Variants in MSRA observed in about 807,000 individuals in gnomAD.
MSRA encodes the protein mitochondrial peptide methionine sulfoxide reductase.
A neutral mutation model predicts 31.3 loss-of-function variants in MSRA; 54 were observed. The ratio of observed to expected loss-of-function variants is 1.73; its 90% CI spans 1.39 to 2.17. The LOEUF (loss-of-function observed/expected upper bound fraction) is 2.17, where lower values mean the gene tolerates loss of function less well. Among genes scored for constraint, MSRA ranks in the 30% most tolerant of loss-of-function variants. MSRA has a pLI of 0.00. For missense variants in MSRA, 507 were observed against 300.9 expected (o/e 1.69, Z -5.07); for synonymous variants, 169 against 116.5 (o/e 1.45, Z -2.90).
At chr8:10,176,398 GA>G (rs1020862658) in intron 1 of MSRA, among the ~76,000 whole-genome samples, 2 of 152,234 alleles carry the variant, frequency 1.3e-5, no homozygotes, top group African/African-American at 4.8e-5. Flanking sequence ...ATCTAGGACA[GA>G]AGGGGACTGA....
intron 5 of MSRA, 136 bp from the exon 6 acceptor site, chr8:10,428,012 G>A: frequency 5.9e-6 from 5 of 844,270 alleles, no homozygotes; most frequent in Non-Finnish European, 8.9e-6. Flanking sequence ...AATGCGGAGA[G>A]CCCGGCCTAA....
chr8:10,164,492 C>G (rs1281261234), intron 1 of MSRA, among the ~76,000 whole-genome samples: 1 of 152,128 alleles, frequency 6.6e-6, no homozygotes, highest in Non-Finnish European at 1.5e-5. Context: ...TGACCCCTTC[C>G]TTCCTCTCTA....
chr8:10,247,323 T>C (rs1407278892), intron 3 of MSRA, among the ~76,000 whole-genome samples: 1 of 152,172 alleles, frequency 6.6e-6, no homozygotes, highest in Non-Finnish European at 1.5e-5. Context: ...TCATTAGCTC[T>C]CAGCTCAAAG....
intron 1 of MSRA, among the ~76,000 whole-genome samples, chr8:10,092,642 C>CA (rs35804227): frequency 0.55 from 79,965 of 145,600 alleles, 23,332 homozygotes; most frequent in Middle Eastern, 0.68. Context: ...GATTCTGTCT[C>CA]AAAAAAAAAA....
At chr8:10,229,187 C>G (rs1002403181) in intron 2 of MSRA, among the ~76,000 whole-genome samples, 5 of 152,136 alleles carry the variant, frequency 3.3e-5, no homozygotes, top group African/African-American at 1.2e-4. Context: ...TTGGTTGAGA[C>G]TAGGTGTCTT....
intron 5 of MSRA, among the ~76,000 whole-genome samples, chr8:10,389,574 G>A (rs1165895220): frequency 6.6e-6 from 1 of 152,066 alleles, no homozygotes; most frequent in Non-Finnish European, 1.5e-5. Context: ...CCACTGACAG[G>A]ACTCCTTCCC....
At chr8:10,339,536 T>C (rs1336855494) in intron 5 of MSRA, among the ~76,000 whole-genome samples, 4 of 47,732 alleles carry the variant, frequency 8.4e-5, no homozygotes, top group African/African-American at 2.7e-4. Flanking sequence ...TCTTTCTTTT[T>C]TTTTTTTTTT....
At chr8:10,338,494 T>C (rs900794119) in intron 5 of MSRA, among the ~76,000 whole-genome samples, 8 of 152,130 alleles carry the variant, frequency 5.3e-5, no homozygotes, top group African/African-American at 1.7e-4. Flanking sequence ...ATTTAACACG[T>C]CTCACCATAA....
intron 5 of MSRA, among the ~76,000 whole-genome samples, chr8:10,362,900 C>A (rs1401548366): frequency 6.6e-6 from 1 of 152,026 alleles, no homozygotes; most frequent in African/African-American, 2.4e-5. Context: ...GCCCCTGCCT[C>A]CCTCCCTAAT....
intron 1 of MSRA, among the ~76,000 whole-genome samples, chr8:10,122,798 G>T (rs960766100): frequency 2.6e-5 from 4 of 152,110 alleles, no homozygotes; most frequent in African/African-American, 9.7e-5. Flanking sequence ...TTGGTTTCCT[G>T]TTCCTGTGTT....
chr8:10,407,815 G>C (rs898727942), intron 5 of MSRA, among the ~76,000 whole-genome samples: 1 of 152,116 alleles, frequency 6.6e-6, no homozygotes, highest in Admixed American at 6.5e-5. Context: ...CAAAATTCTT[G>C]CTTGCTCCTT....
chr8:10,284,172 G>A (rs1799808313), intron 3 of MSRA, among the ~76,000 whole-genome samples: 1 of 152,054 alleles, frequency 6.6e-6, no homozygotes, highest in Admixed American at 6.6e-5. Flanking sequence ...ACTGACTGAA[G>A]AGAGAATGAA....
At chr8:10,374,108 C>T (rs552508233) in intron 5 of MSRA, among the ~76,000 whole-genome samples, 16 of 152,306 alleles carry the variant, frequency 1.1e-4, no homozygotes, top group African/African-American at 3.1e-4. Context: ...GAAGTCAAGC[C>T]GCCTTATGTT....
At chr8:10,270,428 C>A (rs1798970243) in intron 3 of MSRA, among the ~76,000 whole-genome samples, 1 of 150,020 alleles carries the variant, frequency 6.7e-6, no homozygotes, top group Non-Finnish European at 1.5e-5. Context: ...AAAAAACTAT[C>A]CTCTACTAGG....
At chr8:10,104,580 G>A (rs575621600) in intron 1 of MSRA, among the ~76,000 whole-genome samples, 2 of 152,250 alleles carry the variant, frequency 1.3e-5, no homozygotes, top group South Asian at 4.2e-4. Context: ...AGGAATGGCT[G>A]GGTTATGCTA....
chr8:10,412,804 G>C (rs927260458), intron 5 of MSRA, among the ~76,000 whole-genome samples: 8 of 152,230 alleles, frequency 5.3e-5, no homozygotes, highest in African/African-American at 1.9e-4. Context: ...GCAAATCAAA[G>C]AATCGTGACA....
At chr8:10,203,655 A>T (rs1250214369) in intron 1 of MSRA, among the ~76,000 whole-genome samples, 1 of 152,272 alleles carries the variant, frequency 6.6e-6, no homozygotes. Context: ...GTTGATAATC[A>T]TCATAAACAA....
intron 1 of MSRA, among the ~76,000 whole-genome samples, chr8:10,067,376 A>C (rs573863873): frequency 1.1e-3 from 168 of 152,360 alleles, no homozygotes; most frequent in South Asian, 2.3e-3. Context: ...ATTATCAATA[A>C]TATTCCATTG....
intron 1 of MSRA, among the ~76,000 whole-genome samples, chr8:10,115,553 T>G (rs893489790): frequency 6.6e-6 from 1 of 152,192 alleles, no homozygotes; most frequent in African/African-American, 2.4e-5. Flanking sequence ...GGTAATTTGT[T>G]GCCACACGGC....
Sources: allele counts gnomAD v4.1 joint callset (sites outside exome capture counted in the v4.1 genomes callset), GRCh38; gene constraint gnomAD v4.1.1; transcripts MANE v1.5; gene names NCBI Gene and HGNC (gene_info 2026-07-23, HGNC 2026-07-21).